The following CSMD3 variants were observed in gnomAD, a reference collection of about 807,000 sequenced individuals.
CSMD3 encodes the protein CUB and sushi domain-containing protein 3.
A neutral mutation model predicts 435.2 loss-of-function variants in CSMD3; 177 were observed. The ratio of observed to expected loss-of-function variants is 0.41; its 90% CI spans 0.36 to 0.46. The LOEUF (loss-of-function observed/expected upper bound fraction) is 0.46, where lower values mean the gene tolerates loss of function less well. Ranked by LOEUF, CSMD3 falls within the 20% of genes least tolerant of loss-of-function variation. The probability of loss-of-function intolerance (pLI) is 0.34; values close to 1 mark genes in which losing one functional copy is unlikely to be tolerated. For missense variants in CSMD3, 4,265 were observed against 4,504.6 expected, an observed-to-expected ratio of 0.95 and a Z score of 1.52; for synonymous variants, 1,656 against 1,520.5, an observed-to-expected ratio of 1.09 and a Z score of -2.07.
chr8:112,351,517 T>C (rs1826135461), intron 39 of CSMD3, among the ~76,000 whole-genome samples: 1 of 151,978 alleles, frequency 6.6e-6, no homozygotes, highest in Non-Finnish European at 1.5e-5. Context: ...CCTATAACAA[T>C]ATGTTTTACT....
intron 40 of CSMD3, among the ~76,000 whole-genome samples, chr8:112,346,890 A>G (rs918695736): frequency 7.9e-5 from 12 of 151,846 alleles, no homozygotes; most frequent in Non-Finnish European, 1.6e-4. Flanking sequence ...TGTGTTAGCC[A>G]GGATGGTCTT....
At chr8:112,282,292 T>C (rs769745801) in intron 58 of CSMD3, among the ~76,000 whole-genome samples, 1 of 151,870 alleles carries the variant, frequency 6.6e-6, no homozygotes, top group Non-Finnish European at 1.5e-5. Context: ...GCAAGAACCT[T>C]ATCCATTTTA....
intron 3 of CSMD3, among the ~76,000 whole-genome samples, chr8:113,261,119 C>T (rs929733015): frequency 2.6e-5 from 4 of 151,942 alleles, no homozygotes; most frequent in Admixed American, 1.3e-4. Flanking sequence ...ACAGATGGGC[C>T]GAGTTCTTGA....
chr8:113,063,980 G>T (rs992958975), intron 5 of CSMD3, among the ~76,000 whole-genome samples: 1 of 151,242 alleles, frequency 6.6e-6, no homozygotes, highest in Non-Finnish European at 1.5e-5. Context: ...TCTAAGCAAT[G>T]AATTTTAGGA....
At position 112,255,180 on chromosome 8, in the gene CSMD3, T is replaced by A. The variant is rs535167374; in HGVS notation, c.10036+74A>T. The A allele has an allele frequency of 2.3e-6, 3 of 1,277,024 alleles. No homozygotes were observed. In the African/African-American group the frequency reaches 4.4e-5, roughly 19 times the overall value. The allele number at this position is 1,277,024 out of a possible 1,614,324, so 79.1% of individuals were successfully genotyped here. ...ATTAAGCCAACTATAGGTTATAGGA[T>A]AAAGAAAACCATTAAATGTCACCCC... On this transcript the variant is annotated intron_variant, in intron 62 of 70. Transcript: ENST00000297405.
chr8:112,559,828 C>T (rs559088980), intron 24 of CSMD3, among the ~76,000 whole-genome samples: 1 of 151,606 alleles, frequency 6.6e-6, no homozygotes, highest in African/African-American at 2.4e-5. Context: ...ATAAATACAC[C>T]AAGGACAATT....
At chr8:112,521,788 A>G (rs2131016006) in intron 27 of CSMD3, among the ~76,000 whole-genome samples, 1 of 151,982 alleles carries the variant, frequency 6.6e-6, no homozygotes, top group East Asian at 1.9e-4. Flanking sequence ...ATATTGTAAA[A>G]TTATAAAACC....
chr8:112,339,707 A>G (rs1489340054), intron 42 of CSMD3, among the ~76,000 whole-genome samples: 1 of 152,166 alleles, frequency 6.6e-6, no homozygotes, highest in Non-Finnish European at 1.5e-5. Context: ...GGTACTCTAA[A>G]TTGTACAGTA....
intron 16 of CSMD3, among the ~76,000 whole-genome samples, chr8:112,676,218 C>T (rs1015807625): frequency 2.6e-5 from 4 of 151,870 alleles, no homozygotes; most frequent in African/African-American, 9.7e-5. Flanking sequence ...GAGAACCAGG[C>T]TAGAGATGTA....
chr8:113,235,740 A>G (rs767974188), intron 3 of CSMD3, among the ~76,000 whole-genome samples: 132 of 152,110 alleles, frequency 8.7e-4, no homozygotes, highest in Admixed American at 2.0e-3. Flanking sequence ...GCACCATCCA[A>G]TTGAGTCAGG....
At chr8:112,423,288 C>T (rs1203448035) in intron 32 of CSMD3, among the ~76,000 whole-genome samples, 1 of 152,132 alleles carries the variant, frequency 6.6e-6, no homozygotes, top group Non-Finnish European at 1.5e-5. Flanking sequence ...TCAATCTTTG[C>T]TATCACTGTT....
chr8:112,868,964 T>G (rs2081059032), intron 10 of CSMD3, among the ~76,000 whole-genome samples: 1 of 152,178 alleles, frequency 6.6e-6, no homozygotes, highest in Non-Finnish European at 1.5e-5. Context: ...AATGATTTTT[T>G]TGAATATGAC....
intron 22 of CSMD3, among the ~76,000 whole-genome samples, chr8:112,618,212 G>A (rs1833802397): frequency 6.6e-6 from 1 of 152,090 alleles, no homozygotes; most frequent in Admixed American, 6.6e-5. Context: ...TGGTTTTTGA[G>A]AGTAGAAGTC....
At chr8:112,275,610 T>C (rs1457626882) in intron 59 of CSMD3, among the ~76,000 whole-genome samples, 3 of 151,178 alleles carry the variant, frequency 2.0e-5, no homozygotes, top group Admixed American at 6.6e-5. Flanking sequence ...GCTAGGGAGG[T>C]CTCACAATCA....
intron 31 of CSMD3, among the ~76,000 whole-genome samples, chr8:112,473,721 ATTTTTTT>A (rs71309772): frequency 0.012 from 1,535 of 131,308 alleles, 33 homozygotes; most frequent in African/African-American, 0.04. Flanking sequence ...AGGAAGAGGG[ATTTTTTT>A]TTTTTTTTTT....
rs553923960 is a variant in CSMD3 at position 113,399,628 on chromosome 8, C to G, written c.178+37049G>C. On this transcript the variant is annotated intron_variant, in intron 1 of 70. Transcript: ENST00000297405. ...AGATAAAAAAATAGAATAGCAGCTT[C>G]CTGGGGCTGGAAGAGGGTGAGGGGA... Among the ~76,000 whole-genome samples the G allele has an allele frequency of 1.6e-3, 249 of 151,860 alleles. 7 individuals carry two copies. The Middle Eastern group carries it at 0.037, about 23-fold the overall frequency.
At chr8:113,428,458 C>A (rs1382978051) in intron 1 of CSMD3, among the ~76,000 whole-genome samples, 1 of 151,632 alleles carries the variant, frequency 6.6e-6, no homozygotes, top group Non-Finnish European at 1.5e-5. Flanking sequence ...ACTGTATGAT[C>A]CTGGCAAATC....
intron 6 of CSMD3, among the ~76,000 whole-genome samples, chr8:113,009,086 C>T (rs2086162604): frequency 6.6e-6 from 1 of 151,432 alleles, no homozygotes; most frequent in Admixed American, 6.6e-5. Flanking sequence ...TACATGGCTA[C>T]AAGAAAAATT....
In CSMD3 at chr8:112,788,190, G is replaced by A. The variant is rs143061734; in HGVS notation, c.1972+11972C>T. 2.6e-5 allele frequency among the ~76,000 whole-genome samples: 4 copies of A among 152,240 alleles called. No individual in the cohort carries two copies. In the East Asian group the frequency reaches 5.8e-4, roughly 22 times the overall value. The stretch of plus-strand genomic sequence containing the variant: ...ATAAATACTGACCCTTGTCTTCAGG[G>A]GAAAATTGGGAAACCTGCATACATG... On this transcript the variant is annotated intron_variant, in intron 13 of 70. Coordinates refer to ENST00000297405, the MANE Select transcript of CSMD3 (RefSeq NM_198123.2).
Sources: gnomAD v4.1 joint callset for allele counts (sites outside exome capture counted in the v4.1 genomes callset) on GRCh38, gnomAD v4.1.1 for gene constraint, MANE v1.5 for transcripts, NCBI Gene and HGNC (gene_info 2026-07-23, HGNC 2026-07-21) for gene names.